The following MYO3B variants were observed in gnomAD, a reference collection of about 807,000 sequenced individuals.
MYO3B encodes the protein myosin IIIB.
Under a neutral mutation model 174.6 loss-of-function variants are expected in MYO3B, and 156 were observed. The ratio of observed to expected loss-of-function variants is 0.89; its 90% confidence interval spans 0.78 to 1.02. The LOEUF is 1.02. MYO3B is among the 50% of genes least tolerant of loss of function. MYO3B has a pLI of 0.00. For missense variants in MYO3B, 1,632 were observed against 1,639.4 expected (o/e 1.00, Z 0.08); for synonymous variants, 563 against 569.1 (o/e 0.99, Z 0.15).
intron 32 of MYO3B, chr2:170,649,855 GT>G (rs1300674793): frequency 7.8e-5 from 1 of 12,772 alleles, no homozygotes; most frequent in Non-Finnish European, 1.3e-4. Flanking sequence ...ATGCTATAGT[GT>G]AAAAAAAAAA....
chr2:170,344,469 TG>T (rs563980776), intron 8 of MYO3B: 1 of 29,636 alleles, frequency 3.4e-5, no homozygotes, highest in African/African-American at 1.9e-4. Context: ...CCGTCTCGGT[TG>T]GGGGGGTGGG....
intron 23 of MYO3B, among the ~76,000 whole-genome samples, chr2:170,461,077 G>A (rs1028412831): frequency 2.0e-5 from 3 of 152,120 alleles, no homozygotes; most frequent in Non-Finnish European, 4.4e-5. Context: ...CTGCCTGGGG[G>A]GCTGGTGCTC....
At chr2:170,403,783 G>A (rs1363228362) in intron 19 of MYO3B, among the ~76,000 whole-genome samples, 1 of 152,126 alleles carries the variant, frequency 6.6e-6, no homozygotes, top group Non-Finnish European at 1.5e-5. Flanking sequence ...AATCTGTATA[G>A]CACTCCTCTC....
intron 22 of MYO3B, among the ~76,000 whole-genome samples, chr2:170,438,039 T>C (rs1188132984): frequency 6.6e-6 from 1 of 152,176 alleles, no homozygotes; most frequent in Non-Finnish European, 1.5e-5. Flanking sequence ...AATTTTTTCA[T>C]ATTATGTGAC....
chr2:170,438,643 T>C (rs2094774890), intron 22 of MYO3B, among the ~76,000 whole-genome samples: 1 of 107,452 alleles, frequency 9.3e-6, no homozygotes. Flanking sequence ...GTAATATTTC[T>C]TTTTTTTTTG....
At chr2:170,502,185 G>A (rs1015563384) in intron 28 of MYO3B, among the ~76,000 whole-genome samples, 2 of 152,170 alleles carry the variant, frequency 1.3e-5, no homozygotes, top group African/African-American at 2.4e-5. Flanking sequence ...ATCAGTTGCA[G>A]AGCCAGCATT....
chr2:170,263,263 A>G (rs2093358533), intron 7 of MYO3B, among the ~76,000 whole-genome samples: 2 of 152,176 alleles, frequency 1.3e-5, no homozygotes, highest in African/African-American at 4.8e-5. Flanking sequence ...TACATTCAGC[A>G]GGCAATTGGG....
chr2:170,561,531 A>C (rs949993667), intron 32 of MYO3B, among the ~76,000 whole-genome samples: 1 of 152,248 alleles, frequency 6.6e-6, no homozygotes, highest in Non-Finnish European at 1.5e-5. Flanking sequence ...AAAAATGCAC[A>C]AATGTACACC....
At chr2:170,624,492 A>ACAAT (rs1306382858) in intron 32 of MYO3B, among the ~76,000 whole-genome samples, 1 of 152,204 alleles carries the variant, frequency 6.6e-6, no homozygotes, top group African/African-American at 2.4e-5. Flanking sequence ...TTCTAGATAT[A>ACAAT]CAATCATGTC....
chr2:170,552,386 A>C (rs1430100989), intron 32 of MYO3B, among the ~76,000 whole-genome samples: 1 of 152,196 alleles, frequency 6.6e-6, no homozygotes, highest in African/African-American at 2.4e-5. Flanking sequence ...TGGGAGCTGC[A>C]GTAAAGGTCA....
intron 7 of MYO3B, among the ~76,000 whole-genome samples, chr2:170,240,806 G>A (rs1379163152): frequency 6.6e-6 from 1 of 152,142 alleles, no homozygotes; most frequent in African/African-American, 2.4e-5. Flanking sequence ...GTTGTCTTAG[G>A]TGAACATAGG....
At chr2:170,619,433 T>A (rs1473865249) in intron 32 of MYO3B, among the ~76,000 whole-genome samples, 1 of 152,198 alleles carries the variant, frequency 6.6e-6, no homozygotes, top group East Asian at 1.9e-4. Context: ...AGCAATAGTT[T>A]CAGGGGGTCT....
intron 1 of MYO3B, among the ~76,000 whole-genome samples, chr2:170,183,857 T>TA (rs1559280904): frequency 1.3e-5 from 2 of 150,854 alleles, no homozygotes; most frequent in African/African-American, 4.8e-5. Flanking sequence ...AGAAAGGAAT[T>TA]AACCCATTTG....
chr2:170,272,008 T>TC (rs2093428663), intron 7 of MYO3B, among the ~76,000 whole-genome samples: 1 of 152,064 alleles, frequency 6.6e-6, no homozygotes, highest in Non-Finnish European at 1.5e-5. Flanking sequence ...TGAGGGACTG[T>TC]TATATTTCTA....
intron 7 of MYO3B, among the ~76,000 whole-genome samples, chr2:170,249,281 T>C (rs986086865): frequency 1.3e-5 from 2 of 152,210 alleles, no homozygotes; most frequent in African/African-American, 4.8e-5. Context: ...TCCCTCTATA[T>C]AAACGGGCCT....
intron 32 of MYO3B, among the ~76,000 whole-genome samples, chr2:170,545,433 G>T (rs1413018010): frequency 3.9e-5 from 6 of 152,184 alleles, no homozygotes; most frequent in Non-Finnish European, 7.3e-5. Context: ...GTCAATTGCT[G>T]TTACGGTAAT....
At chr2:170,252,464 A>G (rs1460851819) in intron 7 of MYO3B, among the ~76,000 whole-genome samples, 1 of 152,224 alleles carries the variant, frequency 6.6e-6, no homozygotes, top group African/African-American at 2.4e-5. Flanking sequence ...GTGTATGAGT[A>G]GTGGCCTACT....
At chr2:170,243,244 G>C (rs1344365959) in intron 7 of MYO3B, among the ~76,000 whole-genome samples, 1 of 152,202 alleles carries the variant, frequency 6.6e-6, no homozygotes, top group Non-Finnish European at 1.5e-5. Context: ...GGCTGGGCTT[G>C]CTCATGCATC....
chr2:170,496,749 C>T (rs1228243820), intron 25 of MYO3B, among the ~76,000 whole-genome samples: 1 of 151,796 alleles, frequency 6.6e-6, no homozygotes, highest in Non-Finnish European at 1.5e-5. Context: ...GCTCAAGCCT[C>T]CCAGGTAGCT....
Sources: gnomAD v4.1 joint callset for allele counts (sites outside exome capture counted in the v4.1 genomes callset) on GRCh38, gnomAD v4.1.1 for gene constraint, MANE v1.5 for transcripts, NCBI Gene and HGNC (gene_info 2026-07-23, HGNC 2026-07-21) for gene names.